The following ACSBG1 variants were observed in gnomAD, a reference collection of about 807,000 sequenced individuals.
ACSBG1 encodes long-chain-fatty-acid--CoA ligase ACSBG1.
ACSBG1 carries 39 observed loss-of-function variants against 80.2 expected under a neutral mutation model. The observed-to-expected ratio is 0.49, with a 90% CI of 0.38 to 0.64. ACSBG1 has a LOEUF of 0.64. Among genes scored for constraint, ACSBG1 ranks in the 30% least tolerant of loss-of-function variants. The pLI is 0.00. For synonymous variants in ACSBG1, 392 were observed against 379.5 expected (o/e 1.03, Z -0.38); for missense variants, 828 against 966.4 (o/e 0.86, Z 1.90).
rs999830662 is a variant in ACSBG1, at chr15:78,219,048, G to A, written c.132-10946C>T. Among the ~76,000 whole-genome samples, 4 of 152,216 alleles carry A rather than the reference G, an allele frequency of 2.6e-5. No individual in the cohort carries two copies. In the South Asian group the frequency reaches 8.3e-4, roughly 32 times the overall value. ...GCTGGTCTCAAACTCCTGACCTCAG[G>A]TGATCTGCCCACCTCGGCCTCCCAA... On this transcript the variant is annotated intron_variant, in intron 1 of 13. Transcript: ENST00000258873.
intron 13 of ACSBG1, 118 bp from the exon 14 acceptor site, chr15:78,171,647 G>A (rs1207113823): frequency 1.3e-6 from 1 of 796,258 alleles, no homozygotes; most frequent in African/African-American, 1.7e-5. Flanking sequence ...CAGATAATCA[G>A]GACCGTCAGT....
rs1375949698 is a variant in ACSBG1, at chr15:78,171,501, T to C, written c.2118A>G (p.Thr706=). The C allele has an allele frequency of 6.2e-7, 1 of 1,614,200 alleles. No individual in the cohort carries two copies. Among genetic ancestry groups the C allele is most frequent in the South Asian group, 1.1e-5 (1 of 91,082 alleles). The change falls in exon 14 of 14, where the codon ACA becomes ACG. Residue 706 remains threonine, a synonymous_variant. Coordinates refer to ENST00000258873, the MANE Select transcript of ACSBG1 (RefSeq NM_015162.5). The part of the protein sequence containing the change: ...LGPTMKLKRL[T]VLEKYKGIID... Reference sequence around the variant, plus strand: ...TGATACCTTTGTACTTCTCCAAAACTGTGAGCCGTTTCAGTTTCATCGTGG... The same window carrying C: ...TGATACCTTTGTACTTCTCCAAAACCGTGAGCCGTTTCAGTTTCATCGTGG...
Position 78,219,760 on chromosome 15 carries a change from G to A in ACSBG1, c.132-11658C>T, listed in dbSNP as rs186643108. On this transcript the variant is annotated intron_variant, in intron 1 of 13. Transcript: ENST00000258873. The stretch of plus-strand genomic sequence containing the variant: ...AGCACTTTGGGAGGCTGAGGCAGGC[G>A]GATCACAAGGTCAGGAGATCAAGAC... Among the ~76,000 whole-genome samples, 29 of 152,254 alleles carry A rather than the reference G, an allele frequency of 1.9e-4. No individual in the cohort carries two copies. In the East Asian group the frequency reaches 4.4e-3, roughly 23 times the overall value.
intron 2 of ACSBG1, 21 bp from the exon 3 acceptor site, chr15:78,194,747 C>T (rs1286103462): frequency 6.2e-7 from 1 of 1,606,648 alleles, no homozygotes; most frequent in Non-Finnish European, 8.5e-7. Flanking sequence ...GGGGAGACCA[C>T]AGCTTGGATC....
intron 1 of ACSBG1, among the ~76,000 whole-genome samples, chr15:78,215,730 GAA>G (rs1039027413): frequency 4.5e-5 from 4 of 89,392 alleles, no homozygotes; most frequent in African/African-American, 1.4e-4. Flanking sequence ...GAAAGAGAAA[GAA>G]AGAAAGAAAG....
At chr15:78,203,336 C>T (rs1038090609) in intron 2 of ACSBG1, among the ~76,000 whole-genome samples, 1 of 152,240 alleles carries the variant, frequency 6.6e-6, no homozygotes, top group Non-Finnish European at 1.5e-5. Context: ...CAGATCCCAA[C>T]AGGAGCTGAC....
intron 1 of ACSBG1, among the ~76,000 whole-genome samples, chr15:78,214,232 G>A (rs1337458907): frequency 6.6e-6 from 1 of 152,168 alleles, no homozygotes; most frequent in East Asian, 1.9e-4. Flanking sequence ...CCTGCTTCCT[G>A]GAGTTTCCTG....
At chr15:78,207,787 C>T in intron 2 of ACSBG1, 3 of 570,752 alleles carry the variant, frequency 5.3e-6, no homozygotes, top group Non-Finnish European at 9.4e-6. Flanking sequence ...AAGAAATCTC[C>T]CCATCCCTCA....
intron 1 of ACSBG1, chr15:78,209,013 T>TGCA (rs1472123992): frequency 5.1e-6 from 2 of 388,840 alleles, no homozygotes; most frequent in Non-Finnish European, 1.0e-5. Flanking sequence ...ACTGGAGTTG[T>TGCA]GCAGCATGCA....
Position 78,182,517 on chromosome 15 carries a change from G to A in ACSBG1, c.843C>T (p.Tyr281=). Residue 281 remains tyrosine, a synonymous_variant, in exon 7 of 14, where the codon TAC becomes TAT. Coordinates refer to ENST00000258873, the MANE Select transcript of ACSBG1 (RefSeq NM_015162.5). ...TGGGGTTCCCAGTGGTGCCGGAAGT[G>A]TAGACTAGCACACAGCACTGGTTGG... ...QQPNQCCVLV[Y]TSGTTGNPKG... 1 of 1,614,186 alleles carries A rather than the reference G, an allele frequency of 6.2e-7. No homozygotes were observed. The highest frequency in any genetic ancestry group is 8.5e-7 in the Non-Finnish European group (1 of 1,180,040).
At chr15:78,232,246 T>C (rs2075452424) in intron 1 of ACSBG1, among the ~76,000 whole-genome samples, 2 of 152,238 alleles carry the variant, frequency 1.3e-5, no homozygotes, top group Non-Finnish European at 2.9e-5. Context: ...AGGATGCTAT[T>C]GAGGCTCAGA....
chr15:78,196,269 C>T (rs1365507492), intron 2 of ACSBG1, among the ~76,000 whole-genome samples: 1 of 152,240 alleles, frequency 6.6e-6, no homozygotes, highest in Non-Finnish European at 1.5e-5. Context: ...AGCCTTGCCC[C>T]ATATCCCGGG....
Position 78,179,148 on chromosome 15 carries a change from G to A in ACSBG1, c.1485-317C>T, listed in dbSNP as rs575973920. 1.4e-4 allele frequency among the ~76,000 whole-genome samples: 21 copies of A among 152,206 alleles called. No individual in the cohort carries two copies. In the South Asian group the frequency reaches 4.2e-3, roughly 30 times the overall value. On this transcript the variant is annotated intron_variant, in intron 10 of 13. Coordinates refer to ENST00000258873, the MANE Select transcript of ACSBG1 (RefSeq NM_015162.5). ...CTCCCCAGAACTGACCGCCCTCACC[G>A]TCCATTAGGAGGCTGGCCTGGTCCC...
At chr15:78,185,149 G>A (rs1449854632) in intron 5 of ACSBG1, among the ~76,000 whole-genome samples, 1 of 152,126 alleles carries the variant, frequency 6.6e-6, no homozygotes, top group Non-Finnish European at 1.5e-5. Flanking sequence ...AGCTGAGGCG[G>A]CTAGAATTTG....
chr15:78,217,777 G>A (rs1252021214), intron 1 of ACSBG1, among the ~76,000 whole-genome samples: 3 of 152,012 alleles, frequency 2.0e-5, no homozygotes, highest in African/African-American at 7.3e-5. Flanking sequence ...ACGTTGGTCA[G>A]GCTGGTCTCG....
intron 5 of ACSBG1, among the ~76,000 whole-genome samples, chr15:78,184,417 A>G (rs2074979395): frequency 6.6e-6 from 1 of 151,966 alleles, no homozygotes; most frequent in African/African-American, 2.4e-5. Context: ...TCCTGGGCTC[A>G]AGAGATCCTT....
intron 2 of ACSBG1, among the ~76,000 whole-genome samples, chr15:78,202,488 C>T (rs900944595): frequency 8.5e-5 from 13 of 152,148 alleles, no homozygotes; most frequent in Non-Finnish European, 1.3e-4. Flanking sequence ...GGATTACAGG[C>T]GTGAGCCACC....
chr15:78,219,410 A>C (rs1386673458), intron 1 of ACSBG1, among the ~76,000 whole-genome samples: 2 of 147,828 alleles, frequency 1.4e-5, no homozygotes, highest in Admixed American at 6.7e-5. Flanking sequence ...TTGTCTCAAA[A>C]AAAAAAAAAA....
intron 5 of ACSBG1, among the ~76,000 whole-genome samples, chr15:78,188,971 C>T (rs1208297100): frequency 1.6e-4 from 24 of 148,330 alleles, no homozygotes; most frequent in Admixed American, 1.5e-3. Context: ...AACAAATTTA[C>T]AAGAAAAAAA....
Sources: allele counts gnomAD v4.1 joint callset (sites outside exome capture counted in the v4.1 genomes callset), GRCh38; gene constraint gnomAD v4.1.1; transcripts MANE v1.5; gene names NCBI Gene and HGNC (gene_info 2026-07-23, HGNC 2026-07-21).